CTNNA2: variants seen among roughly 807,000 people sequenced by gnomAD.
CTNNA2 encodes the protein catenin alpha-2.
In CTNNA2, 42 loss-of-function variants were observed where a neutral mutation model predicts 101.0. The observed-to-expected ratio is 0.42, with a 90% CI of 0.32 to 0.54. The LOEUF is 0.54. Among genes scored for constraint, CTNNA2 ranks in the 20% least tolerant of loss-of-function variants. The pLI, the probability that CTNNA2 is intolerant of heterozygous loss-of-function variation, is 0.14. For synonymous variants in CTNNA2, 450 were observed against 456.4 expected (o/e 0.99, Z 0.18); for missense variants, 871 against 1,223.1 (o/e 0.71, Z 4.29).
intron 3 of CTNNA2, among the ~76,000 whole-genome samples, chr2:79,775,040 C>T (rs1264494228): frequency 6.6e-6 from 1 of 152,106 alleles, no homozygotes; most frequent in Non-Finnish European, 1.5e-5. Context: ...CTAGTTGGAA[C>T]ATTGCTTGGG....
chr2:79,452,492 A>C (rs747217987), intron 4 of CTNNA2, among the ~76,000 whole-genome samples: 1 of 152,028 alleles, frequency 6.6e-6, no homozygotes, highest in Non-Finnish European at 1.5e-5. Context: ...TGTAATAAAA[A>C]TAATTATCTA....
At chr2:79,379,686 A>G (rs1418653254) in intron 4 of CTNNA2, among the ~76,000 whole-genome samples, 1 of 152,196 alleles carries the variant, frequency 6.6e-6, no homozygotes, top group East Asian at 1.9e-4. Flanking sequence ...AAGTAGTATG[A>G]ATGAGTCACA....
chr2:79,836,971 A>G (rs922394586), intron 3 of CTNNA2, among the ~76,000 whole-genome samples: 12 of 152,104 alleles, frequency 7.9e-5, no homozygotes, highest in African/African-American at 2.4e-4. Flanking sequence ...TCATAACTCA[A>G]TTATATCTAC....
intron 7 of CTNNA2, among the ~76,000 whole-genome samples, chr2:79,941,587 A>T (rs1409754456): frequency 2.6e-5 from 4 of 152,126 alleles, no homozygotes; most frequent in African/African-American, 9.7e-5. Flanking sequence ...CAGTCTTTAA[A>T]CCACACGATT....
At chr2:79,637,891 A>T (rs187517589) in intron 1 of CTNNA2, among the ~76,000 whole-genome samples, 540 of 152,330 alleles carry the variant, frequency 3.5e-3, no homozygotes, top group Non-Finnish European at 5.1e-3. Context: ...TAAAATTGGG[A>T]TACCATCACT....
intron 1 of CTNNA2, among the ~76,000 whole-genome samples, chr2:79,577,943 A>G (rs1675899877): frequency 1.3e-5 from 2 of 152,200 alleles, no homozygotes; most frequent in South Asian, 4.1e-4. Flanking sequence ...TCATTTGATA[A>G]CTGAAAAGTA....
At chr2:79,253,527 T>C (rs1674800746) in intron 2 of CTNNA2, among the ~76,000 whole-genome samples, 2 of 152,192 alleles carry the variant, frequency 1.3e-5, no homozygotes, top group Non-Finnish European at 1.5e-5. Flanking sequence ...GCTTGACTTA[T>C]ATTACTGTTC....
chr2:80,056,686 A>T (rs764017403), intron 7 of CTNNA2, among the ~76,000 whole-genome samples: 5 of 152,066 alleles, frequency 3.3e-5, no homozygotes, highest in Non-Finnish European at 7.4e-5. Context: ...CAAGTGTTTC[A>T]TCTGTAATTA....
chr2:80,619,016 A>C, intron 17 of CTNNA2, 69 bp from the exon 18 acceptor site: 2 of 1,038,254 alleles, frequency 1.9e-6, no homozygotes, highest in Non-Finnish European at 2.6e-6. Flanking sequence ...CTTCCCAAGT[A>C]GGGTACTTTT....
In CTNNA2 at chr2:80,043,041, TTC is replaced by T. The variant is rs1696194623; in HGVS notation, c.1056+133246_1056+133247del. On this transcript the variant is annotated intron_variant, in intron 7 of 18. Coordinates refer to ENST00000402739, the MANE Select transcript of CTNNA2 (RefSeq NM_001282597.3). ...TCCCTTTCTTTCTTTCTTTCTTTCCTTCTTTCTTTCTTTCTTTCTTTCTTTCT... is the reference window on the plus strand; with the variant it reads ...TCCCTTTCTTTCTTTCTTTCTTTCCTTTTCTTTCTTTCTTTCTTTCTTTCT... Among the ~76,000 whole-genome samples, 6 of 5,772 alleles carry T rather than the reference TTC, an allele frequency of 1.0e-3. No homozygotes were observed. The Admixed American group carries it at 0.011, about 11-fold the overall frequency. 3.8% of individuals were successfully genotyped at this position (5,772 alleles called of 152,430 possible). A position where few individuals can be genotyped will look rare whatever the true frequency, so the allele number is the denominator to read the frequency against.
At chr2:79,916,944 G>A (rs1479842755) in intron 7 of CTNNA2, among the ~76,000 whole-genome samples, 1 of 151,532 alleles carries the variant, frequency 6.6e-6, no homozygotes, top group Admixed American at 6.6e-5. Flanking sequence ...TTGTTTGTTT[G>A]TTTGTTTTGT....
intron 7 of CTNNA2, among the ~76,000 whole-genome samples, chr2:80,023,111 C>A (rs1448886093): frequency 6.6e-6 from 1 of 152,232 alleles, no homozygotes; most frequent in East Asian, 1.9e-4. Context: ...AAAACTTTCA[C>A]TGGATTCTCA....
intron 3 of CTNNA2, among the ~76,000 whole-genome samples, chr2:79,805,527 C>A (rs2105315202): frequency 6.6e-6 from 1 of 152,262 alleles, no homozygotes; most frequent in South Asian, 2.1e-4. Flanking sequence ...ATGGATTAGG[C>A]ATGCTCAACT....
At chr2:79,716,818 G>A (rs1337334302) in intron 2 of CTNNA2, among the ~76,000 whole-genome samples, 2 of 151,928 alleles carry the variant, frequency 1.3e-5, no homozygotes, top group Non-Finnish European at 2.9e-5. Flanking sequence ...ATTGACTGCA[G>A]GGAAAAAAAT....
intron 9 of CTNNA2, among the ~76,000 whole-genome samples, chr2:80,535,281 C>T (rs941200547): frequency 1.3e-5 from 2 of 152,004 alleles, no homozygotes; most frequent in Non-Finnish European, 2.9e-5. Flanking sequence ...TTGTATCTTC[C>T]ATGTCTGTCA....
chr2:79,199,734 G>T lies in CTNNA2; in HGVS notation c.-406+1658G>T, dbSNP rs111879935. On this transcript the variant is annotated intron_variant, in intron 2 of 21. Transcript: ENST00000466387. ...GGAGTCTGGGTAGTCCAAGAACAAGGTGCCAGCTGATTCAGTTTTTGGTGA... is the reference window on the plus strand; with the variant it reads ...GGAGTCTGGGTAGTCCAAGAACAAGTTGCCAGCTGATTCAGTTTTTGGTGA... Among the ~76,000 whole-genome samples, 482 of 152,200 alleles carry T rather than the reference G, an allele frequency of 3.2e-3. 1 individual carries two copies. Among genetic ancestry groups the T allele is most frequent in the Middle Eastern group, 0.014 (4 of 294 alleles).
chr2:80,067,455 C>T (rs912684875), intron 7 of CTNNA2, among the ~76,000 whole-genome samples: 1 of 151,796 alleles, frequency 6.6e-6, no homozygotes, highest in Non-Finnish European at 1.5e-5. Context: ...CACCAAAAAT[C>T]ATATCTGGAA....
intron 3 of CTNNA2, among the ~76,000 whole-genome samples, chr2:79,781,805 A>G (rs188495586): frequency 2.0e-4 from 30 of 152,330 alleles, no homozygotes; most frequent in African/African-American, 6.7e-4. Flanking sequence ...GCTTCATTTC[A>G]AAGCAAAACA....
intron 3 of CTNNA2, among the ~76,000 whole-genome samples, chr2:79,845,934 G>C (rs1236356272): frequency 6.6e-6 from 1 of 152,126 alleles, no homozygotes; most frequent in Non-Finnish European, 1.5e-5. Flanking sequence ...TTAGTAAAGA[G>C]GCCTTGTGGC....
Sources: allele counts gnomAD v4.1 joint callset (sites outside exome capture counted in the v4.1 genomes callset), GRCh38; gene constraint gnomAD v4.1.1; transcripts MANE v1.5; gene names NCBI Gene and HGNC (gene_info 2026-07-23, HGNC 2026-07-21).